The following PIGK variants were observed in gnomAD, a reference collection of about 807,000 sequenced individuals.
PIGK encodes phosphatidylinositol glycan anchor biosynthesis class K, also known as GPI-anchor transamidase.
A neutral mutation model predicts 50.6 loss-of-function variants in PIGK; 42 were observed. The ratio of observed to expected loss-of-function variants is 0.83; its 90% CI spans 0.65 to 1.07. The LOEUF (loss-of-function observed/expected upper bound fraction) is 1.07. PIGK is among the 50% of genes least tolerant of loss of function. The pLI, the probability that PIGK is intolerant of heterozygous loss-of-function variation, is 0.00. For missense variants in PIGK, 448 were observed against 488.7 expected, an observed-to-expected ratio of 0.92 and a Z score of 0.78; for synonymous variants, 151 against 156.0, an observed-to-expected ratio of 0.97 and a Z score of 0.24.
intron 9 of PIGK, among the ~76,000 whole-genome samples, chr1:77,131,607 C>A (rs1319847169): frequency 6.6e-6 from 1 of 152,064 alleles, no homozygotes; most frequent in Non-Finnish European, 1.5e-5. Flanking sequence ...AAAACATTAT[C>A]ATTTATGATT....
At chr1:77,178,720 C>G (rs1167612396) in intron 3 of PIGK, among the ~76,000 whole-genome samples, 1 of 152,152 alleles carries the variant, frequency 6.6e-6, no homozygotes, top group East Asian at 1.9e-4. Flanking sequence ...TAATAATAGT[C>G]TCCTTGGTGC....
chr1:77,193,273 G>GTGTGTGTGTGTGTGTGTA (rs1489140322), intron 3 of PIGK, among the ~76,000 whole-genome samples: 17 of 151,914 alleles, frequency 1.1e-4, no homozygotes, highest in African/African-American at 4.1e-4. Flanking sequence ...GTGTGTGTGT[G>GTGTGTGTGTGTGTGTGTA]TGTGTGTGTG....
At chr1:77,166,486 G>A (rs999160918) in intron 5 of PIGK, among the ~76,000 whole-genome samples, 1 of 148,050 alleles carries the variant, frequency 6.8e-6, no homozygotes, top group Non-Finnish European at 1.5e-5. Context: ...AAGGTGCTAA[G>A]TTTACCAAGT....
intron 10 of PIGK, among the ~76,000 whole-genome samples, chr1:77,114,763 T>C (rs1436102386): frequency 1.3e-5 from 2 of 152,146 alleles, no homozygotes; most frequent in Non-Finnish European, 2.9e-5. Flanking sequence ...ATATCTGATA[T>C]TAAGAGATTA....
At chr1:77,096,881 C>CTTTTTTTTTTT (rs141858558) in intron 10 of PIGK, among the ~76,000 whole-genome samples, 22 of 124,276 alleles carry the variant, frequency 1.8e-4, no homozygotes, top group African/African-American at 3.7e-4. Context: ...TCGGGTTTTT[C>CTTTTTTTTTTT]TTTTTTTTTT....
chr1:77,199,203 C>CACATTTCAACTTCCTAACTATTCT (rs1656105269), intron 3 of PIGK, among the ~76,000 whole-genome samples: 1 of 152,000 alleles, frequency 6.6e-6, no homozygotes, highest in Non-Finnish European at 1.5e-5. Flanking sequence ...CTCCTCAGAA[C>CACATTTCAACTTCCTAACTATTCT]ACATTTCAAC....
intron 6 of PIGK, among the ~76,000 whole-genome samples, chr1:77,163,392 G>C (rs921856940): frequency 1.3e-5 from 2 of 152,004 alleles, no homozygotes; most frequent in African/African-American, 2.4e-5. Context: ...GCTTAGCAAG[G>C]GTTACTAACA....
At chr1:77,212,891 G>A (rs1017009753) in intron 1 of PIGK, among the ~76,000 whole-genome samples, 7 of 152,080 alleles carry the variant, frequency 4.6e-5, no homozygotes, top group East Asian at 1.9e-4. Context: ...TCCATTGGAC[G>A]GATCATCTGG....
In PIGK at chr1:77,195,267, G is replaced by A. The variant is rs535361492; in HGVS notation, c.239+11373C>T. ...CAGCTGTGGAGACCTTGGGGCCCAG[G>A]GTGGCTGAGGTCCTGGAAGGCAAAG... On this transcript the variant is annotated intron_variant, in intron 3 of 10. Transcript: ENST00000370812. 37 of 1,325,924 alleles carry A rather than the reference G, an allele frequency of 2.8e-5. No individual in the cohort carries two copies. In the South Asian group the frequency reaches 3.9e-4, roughly 14 times the overall value. The allele number at this position is 1,325,924 out of a possible 1,614,324, so 82.1% of individuals were successfully genotyped here.
intron 9 of PIGK, chr1:77,129,263 T>C: frequency 3.1e-6 from 5 of 1,609,028 alleles, no homozygotes; most frequent in Non-Finnish European, 4.2e-6. Context: ...ATCTGAAAGA[T>C]GTCACTTTAC....
At chr1:77,180,164 G>A (rs559563585) in intron 3 of PIGK, among the ~76,000 whole-genome samples, 137 of 152,068 alleles carry the variant, frequency 9.0e-4, no homozygotes, top group African/African-American at 3.2e-3. Flanking sequence ...TTATAGTTTG[G>A]CAACCCTATT....
chr1:77,120,299 C>T (rs1225839868), intron 10 of PIGK, among the ~76,000 whole-genome samples: 2 of 152,178 alleles, frequency 1.3e-5, no homozygotes, highest in Non-Finnish European at 2.9e-5. Flanking sequence ...ACTGTAGCCT[C>T]AATCTGGATC....
intron 10 of PIGK, among the ~76,000 whole-genome samples, chr1:77,116,848 T>C (rs1653986416): frequency 6.6e-6 from 1 of 152,162 alleles, no homozygotes; most frequent in Non-Finnish European, 1.5e-5. Flanking sequence ...AAATAATTGT[T>C]TCATAATTAT....
At chr1:77,126,276 C>T (rs1188867633) in intron 9 of PIGK, among the ~76,000 whole-genome samples, 1 of 151,982 alleles carries the variant, frequency 6.6e-6, no homozygotes, top group Non-Finnish European at 1.5e-5. Context: ...TTGTTTTATA[C>T]TTACTGTGAC....
intron 9 of PIGK, among the ~76,000 whole-genome samples, chr1:77,151,821 C>G (rs553210872): frequency 6.6e-6 from 1 of 152,036 alleles, no homozygotes; most frequent in African/African-American, 2.4e-5. Context: ...ACTACACAAA[C>G]CTGATGAAAT....
At chr1:77,178,201 T>C (rs1570244254) in intron 3 of PIGK, among the ~76,000 whole-genome samples, 1 of 152,208 alleles carries the variant, frequency 6.6e-6, no homozygotes, top group Admixed American at 6.5e-5. Context: ...TAAACTTTAA[T>C]GGTATATACA....
chr1:77,105,760 A>T (rs896491581), intron 10 of PIGK, among the ~76,000 whole-genome samples: 1 of 152,172 alleles, frequency 6.6e-6, no homozygotes, highest in South Asian at 2.1e-4. Flanking sequence ...CACATTATCT[A>T]TTGGGGCTTT....
At chr1:77,167,447 C>A (rs1044726688) in intron 4 of PIGK, among the ~76,000 whole-genome samples, 2 of 152,130 alleles carry the variant, frequency 1.3e-5, no homozygotes, top group Admixed American at 1.3e-4. Flanking sequence ...TAAAAAGCTG[C>A]AAAATTATTT....
chr1:77,210,445 C>T lies in PIGK; in HGVS notation c.138G>A (p.Trp46Ter). ...TTTACAGTATACTTACCAGAACAGC[C>T]CAGTTGTTTGTATGGCCACTTCTAA... ...QFFRSGHTNN[W>*]AVLVCTSRFW... The change falls in exon 2 of 11, where the codon TGG becomes TGA. Residue 46 changes from tryptophan (W) to a stop codon, truncating the protein, a stop_gained. Coordinates refer to ENST00000370812, the MANE Select transcript of PIGK (RefSeq NM_005482.3). LOFTEE classifies it high-confidence loss of function. The T allele has an allele frequency of 6.3e-7, 1 of 1,592,210 alleles. No individual in the cohort carries two copies. Among genetic ancestry groups the T allele is most frequent in the Non-Finnish European group, 8.6e-7 (1 of 1,165,572 alleles).
Sources: gnomAD v4.1 joint callset for allele counts (sites outside exome capture counted in the v4.1 genomes callset) on GRCh38, gnomAD v4.1.1 for gene constraint, MANE v1.5 for transcripts, NCBI Gene and HGNC (gene_info 2026-07-23, HGNC 2026-07-21) for gene names.